CNTNAP2: variants seen among roughly 807,000 people sequenced by gnomAD.
CNTNAP2 encodes contactin-associated protein-like 2.
Under a neutral mutation model 155.2 loss-of-function variants are expected in CNTNAP2, and 98 were observed. The observed-to-expected ratio is 0.63, with a 90% CI of 0.54 to 0.75. CNTNAP2 has a LOEUF of 0.75. Ranked by LOEUF, CNTNAP2 falls within the 30% of genes least tolerant of loss-of-function variation. The probability of loss-of-function intolerance (pLI) is 0.00; values close to 1 mark genes in which losing one functional copy is unlikely to be tolerated. For missense variants in CNTNAP2, 1,727 were observed against 1,688.1 expected, an observed-to-expected ratio of 1.02 and a Z score of -0.40; for synonymous variants, 651 against 631.2, an observed-to-expected ratio of 1.03 and a Z score of -0.47.
At chr7:147,155,869 G>C (rs561039905) in intron 8 of CNTNAP2, among the ~76,000 whole-genome samples, 17 of 152,154 alleles carry the variant, frequency 1.1e-4, no homozygotes, top group African/African-American at 4.1e-4. Flanking sequence ...GGACCCTGAG[G>C]AGCTTAGATC....
chr7:147,988,051 G>A (rs1364074070), intron 15 of CNTNAP2, among the ~76,000 whole-genome samples: 7 of 152,158 alleles, frequency 4.6e-5, no homozygotes, highest in Admixed American at 6.6e-5. Flanking sequence ...TAAGAAATAC[G>A]TTGGTTTGGT....
chr7:146,899,786 A>G (rs906847065), intron 3 of CNTNAP2, among the ~76,000 whole-genome samples: 3 of 152,318 alleles, frequency 2.0e-5, no homozygotes, highest in African/African-American at 7.2e-5. Context: ...GGAGCAGATA[A>G]TCTCAAGGAA....
intron 1 of CNTNAP2, among the ~76,000 whole-genome samples, chr7:146,668,113 A>G (rs2129167472): frequency 6.6e-6 from 1 of 152,078 alleles, no homozygotes; most frequent in South Asian, 2.1e-4. Context: ...TGTGTTTGTA[A>G]TATGTGCCTT....
At chr7:148,269,382 A>G (rs1402645142) in intron 21 of CNTNAP2, among the ~76,000 whole-genome samples, 2 of 152,208 alleles carry the variant, frequency 1.3e-5, no homozygotes, top group African/African-American at 2.4e-5. Flanking sequence ...ATTTTCTCCA[A>G]CACTTTCTAT....
At chr7:147,330,102 C>T (rs1249903731) in intron 9 of CNTNAP2, among the ~76,000 whole-genome samples, 1 of 152,078 alleles carries the variant, frequency 6.6e-6, no homozygotes, top group Non-Finnish European at 1.5e-5. Flanking sequence ...TGAGGCTGGT[C>T]ACCAGAAAGA....
chr7:147,042,188 T>C lies in CNTNAP2; in HGVS notation c.403-1719T>C, dbSNP rs2129254603. 1.3e-5 allele frequency among the ~76,000 whole-genome samples: 2 copies of C among 152,332 alleles called. 1 individual carries two copies. Among genetic ancestry groups the C allele is most frequent in the South Asian group, 4.1e-4 (2 of 4,830 alleles). On this transcript the variant is annotated intron_variant, in intron 3 of 23. Coordinates refer to ENST00000361727, the MANE Select transcript of CNTNAP2 (RefSeq NM_014141.6). ...GATTACAGAAGTGTATGGCTATTTT[T>C]AAAAGGCAGTGGTAGTACGCAGCTC...
At chr7:146,431,176 T>C (rs1370689475) in intron 1 of CNTNAP2, among the ~76,000 whole-genome samples, 1 of 151,998 alleles carries the variant, frequency 6.6e-6, no homozygotes, top group Non-Finnish European at 1.5e-5. Flanking sequence ...AGGTAATACA[T>C]ATATTCTAGT....
At chr7:146,371,438 C>T (rs901286714) in intron 1 of CNTNAP2, among the ~76,000 whole-genome samples, 27 of 141,758 alleles carry the variant, frequency 1.9e-4, no homozygotes, top group Non-Finnish European at 3.6e-4. Flanking sequence ...GCATGATCTC[C>T]GCTCACTGCA....
intron 17 of CNTNAP2, among the ~76,000 whole-genome samples, chr7:148,156,081 T>A (rs898662409): frequency 1.3e-5 from 2 of 152,206 alleles, no homozygotes; most frequent in African/African-American, 2.4e-5. Flanking sequence ...GCTGGTATTA[T>A]GCAGATTATA....
At chr7:148,270,082 T>G (rs1381854182) in intron 21 of CNTNAP2, among the ~76,000 whole-genome samples, 9 of 152,220 alleles carry the variant, frequency 5.9e-5, no homozygotes, top group African/African-American at 2.2e-4. Context: ...AGTAATATTC[T>G]CTGGTTCCTC....
chr7:146,946,048 T>C (rs559646445), intron 3 of CNTNAP2, among the ~76,000 whole-genome samples: 9 of 151,744 alleles, frequency 5.9e-5, no homozygotes, highest in Non-Finnish European at 7.4e-5. Context: ...AAAAAGATAC[T>C]GAAAAGGAGA....
chr7:146,254,159 AC>A (rs1563009639), intron 1 of CNTNAP2, among the ~76,000 whole-genome samples: 1 of 137,966 alleles, frequency 7.2e-6, no homozygotes, highest in African/African-American at 3.0e-5. Flanking sequence ...ACACACACAC[AC>A]ACAAGCAAAC....
chr7:147,553,379 T>C (rs907372650), intron 11 of CNTNAP2, among the ~76,000 whole-genome samples: 6 of 152,184 alleles, frequency 3.9e-5, no homozygotes, highest in Admixed American at 6.5e-5. Context: ...AGGAAAGTCC[T>C]TCTCTTGTCT....
rs151276285 is a variant in CNTNAP2, at chr7:147,646,444, A to C, written c.2098+7138A>C. Among the ~76,000 whole-genome samples the C allele has an allele frequency of 4.7e-3, 718 of 152,294 alleles. 7 individuals are homozygous for C. The highest frequency in any genetic ancestry group is 0.027 in the Middle Eastern group (8 of 292). On this transcript the variant is annotated intron_variant, in intron 13 of 23. Coordinates refer to ENST00000361727, the MANE Select transcript of CNTNAP2 (RefSeq NM_014141.6). ...ATGAATTAAATTTTTTCTTCCTTGA[A>C]ATTTTCTTAAACATACTCTACAACT...
intron 10 of CNTNAP2, among the ~76,000 whole-genome samples, chr7:147,462,937 T>A (rs550350077): frequency 6.6e-6 from 1 of 152,352 alleles, no homozygotes; most frequent in Non-Finnish European, 1.5e-5. Context: ...ACACACTTGT[T>A]TTGAATGTGC....
intron 3 of CNTNAP2, among the ~76,000 whole-genome samples, chr7:146,955,844 C>T (rs2129229094): frequency 6.6e-6 from 1 of 152,116 alleles, no homozygotes; most frequent in African/African-American, 2.4e-5. Flanking sequence ...GGTTTGTCAT[C>T]ACAGAGTCTC....
At chr7:146,617,878 T>G (rs926240021) in intron 1 of CNTNAP2, among the ~76,000 whole-genome samples, 1 of 152,254 alleles carries the variant, frequency 6.6e-6, no homozygotes, top group East Asian at 1.9e-4. Context: ...GATAAAATAC[T>G]CAAAAAATGG....
At chr7:148,083,293 A>G (rs575893301) in intron 15 of CNTNAP2, among the ~76,000 whole-genome samples, 11 of 152,308 alleles carry the variant, frequency 7.2e-5, no homozygotes, top group Non-Finnish European at 1.2e-4. Context: ...ACATTTTCTC[A>G]GTTACCTTTC....
chr7:147,215,287 T>C (rs1311050569), intron 8 of CNTNAP2, among the ~76,000 whole-genome samples: 1 of 152,170 alleles, frequency 6.6e-6, no homozygotes, highest in East Asian at 1.9e-4. Context: ...TAATGAAATA[T>C]AGCCAACACT....
Sources: allele counts gnomAD v4.1 joint callset (sites outside exome capture counted in the v4.1 genomes callset), GRCh38; gene constraint gnomAD v4.1.1; transcripts MANE v1.5; gene names NCBI Gene and HGNC (gene_info 2026-07-23, HGNC 2026-07-21).